Variants in MPC1 observed in about 807,000 individuals in gnomAD.
The protein encoded by MPC1 is HSPC040 protein.
A neutral mutation model predicts 13.9 loss-of-function variants in MPC1; 6 were observed. The ratio of observed to expected loss-of-function variants is 0.43; its 90% CI spans 0.24 to 0.85. MPC1 has a LOEUF of 0.85. Ranked by LOEUF, MPC1 falls within the 40% of genes least tolerant of loss-of-function variation. MPC1 has a pLI of 0.24. For synonymous variants in MPC1, 47 were observed against 50.5 expected, an observed-to-expected ratio of 0.93 and a Z score of 0.29; for missense variants, 115 against 143.3, an observed-to-expected ratio of 0.80 and a Z score of 1.01.
In MPC1 at chr6:166,365,808, C is replaced by A. The variant is rs998058669; in HGVS notation, c.305+166G>T. Among the ~76,000 whole-genome samples, 6 of 152,184 alleles carry A rather than the reference C, an allele frequency of 3.9e-5. No homozygotes were observed. The highest frequency in any genetic ancestry group is 8.8e-5 in the Non-Finnish European group (6 of 68,036). ...GGATTTGGGATGCTCAGCCTGTATC[C>A]TAGTTCATGTTAACTTTCATGGTTT... On this transcript the variant is annotated intron_variant, in intron 4 of 4. Transcript: ENST00000360961. This position sits in a 1 kb window ranked among gnomAD's most constrained non-coding sequence, Gnocchi z 4.2.
At chr6:166,379,731 C>T (rs1779699097) in intron 1 of MPC1, among the ~76,000 whole-genome samples, 1 of 152,080 alleles carries the variant, frequency 6.6e-6, no homozygotes, top group Non-Finnish European at 1.5e-5. Flanking sequence ...CAACAGGCAA[C>T]TGATGAAGTA....
intron 1 of MPC1, among the ~76,000 whole-genome samples, chr6:166,380,517 A>C (rs1779727341): frequency 6.6e-6 from 1 of 152,266 alleles, no homozygotes; most frequent in African/African-American, 2.4e-5. Context: ...AAAAGGTTAG[A>C]TGATATACTG....
chr6:166,372,686 T>C lies in MPC1; in HGVS notation c.72-2465A>G, dbSNP rs191569778. Among the ~76,000 whole-genome samples, 187 of 152,226 alleles carry C rather than the reference T, an allele frequency of 1.2e-3. 3 individuals carry two copies. The highest frequency in any genetic ancestry group is 0.011 in the Admixed American group (165 of 15,288). ...TCAATCAAAATATCTGAAAAGCATA[T>C]TTGTGCAGAACCAAATTAGAAAAAA... On this transcript the variant is annotated intron_variant, in intron 1 of 4. Coordinates refer to ENST00000360961, the MANE Select transcript of MPC1 (RefSeq NM_016098.4).
At chr6:166,369,596 T>G (rs531125972) in intron 2 of MPC1, 1 of 162,410 alleles carries the variant, frequency 6.2e-6, no homozygotes, top group East Asian at 1.8e-4. Context: ...TACCTAACCT[T>G]AGAAAGTTTA....
chr6:166,371,949 G>T (rs1014260964), intron 1 of MPC1, among the ~76,000 whole-genome samples: 1 of 152,096 alleles, frequency 6.6e-6, no homozygotes, highest in Admixed American at 6.5e-5. Context: ...ATCCATAGAA[G>T]GAGAAACTGC....
At chr6:166,381,809 A>G (rs1779793719) in intron 1 of MPC1, 11 of 983,814 alleles carry the variant, frequency 1.1e-5, no homozygotes, top group Non-Finnish European at 1.3e-5. Context: ...ACTTTGGTTG[A>G]CAGAATTTCG....
intron 1 of MPC1, among the ~76,000 whole-genome samples, chr6:166,379,295 G>T (rs1029790816): frequency 1.3e-5 from 2 of 152,108 alleles, no homozygotes; most frequent in South Asian, 4.1e-4. Flanking sequence ...GGAGTTCAAG[G>T]ACAGCCTGGG....
rs146184945 is a variant in MPC1, at chr6:166,365,441, C to T, written c.318G>A (p.Thr106=). 40 of 1,579,996 alleles carry T rather than the reference C, an allele frequency of 2.5e-5. No individual in the cohort carries two copies. The highest frequency in any genetic ancestry group is 4.6e-5 in the East Asian group (2 of 43,764). ...TCCTTTTCCATTGTTATGCAGATGCCGTTTTAGTCATCCTGGAAAGAAACA... is the reference window on the plus strand; with the variant it reads ...TCCTTTTCCATTGTTATGCAGATGCTGTTTTAGTCATCCTGGAAAGAAACA... The part of the protein sequence containing the change: ...GRLIKHEMTK[T]ASA Residue 106 remains threonine, a synonymous_variant, in exon 5 of 5, where the codon ACG becomes ACA. Transcript: ENST00000360961. The surrounding 1 kb of genome is among the most constrained non-coding windows in gnomAD (Gnocchi z 4.2).
chr6:166,376,966 A>G (rs1779590145), intron 1 of MPC1, among the ~76,000 whole-genome samples: 1 of 152,170 alleles, frequency 6.6e-6, no homozygotes, highest in Admixed American at 6.5e-5. Context: ...GATTATTGAT[A>G]TAGTTGTATT....
At chr6:166,369,102 T>C (rs1583059709) in intron 2 of MPC1, 1 of 284,108 alleles carries the variant, frequency 3.5e-6, no homozygotes, top group East Asian at 1.8e-4. Context: ...CTAAGTGATG[T>C]TATTAAAAGT....
intron 1 of MPC1, among the ~76,000 whole-genome samples, chr6:166,378,364 T>G (rs1046419518): frequency 6.6e-6 from 1 of 152,174 alleles, no homozygotes; most frequent in Non-Finnish European, 1.5e-5. Flanking sequence ...TTTAAAGCAC[T>G]CTATGATCTA....
At chr6:166,370,916 CA>C (rs2114955978) in intron 1 of MPC1, among the ~76,000 whole-genome samples, 1 of 152,224 alleles carries the variant, frequency 6.6e-6, no homozygotes, top group East Asian at 1.9e-4. Context: ...CATATGTATG[CA>C]AAAAACATTT....
chr6:166,368,571 A>AG (rs1292419668), intron 2 of MPC1, among the ~76,000 whole-genome samples: 1 of 151,280 alleles, frequency 6.6e-6, no homozygotes, highest in Non-Finnish European at 1.5e-5. Context: ...AAAAAAAAAA[A>AG]AAAAAGAAAA....
At chr6:166,380,468 G>T (rs1326632531) in intron 1 of MPC1, among the ~76,000 whole-genome samples, 1 of 152,080 alleles carries the variant, frequency 6.6e-6, no homozygotes, top group East Asian at 1.9e-4. Context: ...ACTGGAGAAA[G>T]TATAAAAATT....
chr6:166,378,218 G>GT (rs1393037228), intron 1 of MPC1, among the ~76,000 whole-genome samples: 1 of 152,194 alleles, frequency 6.6e-6, no homozygotes, highest in Non-Finnish European at 1.5e-5. Flanking sequence ...CACCTGGGTA[G>GT]TAAGTATAAA....
chr6:166,376,619 A>G (rs1032414879), intron 1 of MPC1, among the ~76,000 whole-genome samples: 6 of 152,234 alleles, frequency 3.9e-5, no homozygotes, highest in Non-Finnish European at 8.8e-5. Flanking sequence ...ATGTTTTACC[A>G]TCTATCTGGG....
chr6:166,371,576 CTAGT>C (rs1779382699), intron 1 of MPC1, among the ~76,000 whole-genome samples: 1 of 152,222 alleles, frequency 6.6e-6, no homozygotes, highest in South Asian at 2.1e-4. Context: ...AAGAATTCTA[CTAGT>C]TGTTTTGTTT....
At chr6:166,370,772 A>C (rs1779349366) in intron 1 of MPC1, among the ~76,000 whole-genome samples, 2 of 152,130 alleles carry the variant, frequency 1.3e-5, no homozygotes, top group Admixed American at 1.3e-4. Flanking sequence ...TCAAGTCTGC[A>C]GTGAGGTATG....
chr6:166,366,610 T>C (rs541481029), intron 3 of MPC1, among the ~76,000 whole-genome samples, 185 bp downstream of exon 3: 42 of 152,364 alleles, frequency 2.8e-4, no homozygotes, highest in African/African-American at 9.6e-4. Flanking sequence ...TACTACTTCC[T>C]AGATAAATAT....
Sources: gnomAD v4.1 joint callset for allele counts (sites outside exome capture counted in the v4.1 genomes callset) on GRCh38, gnomAD v4.1.1 for gene constraint, Gnocchi (gnomAD v3.1) non-coding constraint, MANE v1.5 for transcripts, NCBI Gene and HGNC (gene_info 2026-07-23, HGNC 2026-07-21) for gene names.